The following C11orf65 variants were observed in gnomAD, a reference collection of about 807,000 sequenced individuals.
C11orf65 encodes chromosome 11 open reading frame 65, also known as protein MFI.
Under a neutral mutation model 35.3 loss-of-function variants are expected in C11orf65, and 38 were observed. That is an observed-to-expected ratio of 1.08 (90% CI 0.83 to 1.41). The LOEUF (loss-of-function observed/expected upper bound fraction) is 1.41. Among genes scored for constraint, C11orf65 ranks in the 40% most tolerant of loss-of-function variants. C11orf65 has a pLI of 0.00. For missense variants in C11orf65, 370 were observed against 367.1 expected (o/e 1.01, Z -0.06); for synonymous variants, 105 against 114.4 (o/e 0.92, Z 0.53).
chr11:108,358,004 G>A lies in C11orf65; in HGVS notation c.227-22712C>T, dbSNP rs1398090683. Among the ~76,000 whole-genome samples the A allele has an allele frequency of 3.5e-4, 51 of 146,378 alleles. No homozygotes were observed. The East Asian group carries it at 3.7e-3, about 11-fold the overall frequency. ...AGACGATCAAATTACTCTGAGCTAC[G>A]GGAGGACATTCAAACCAAAGGCAAA... On this transcript the variant is annotated intron_variant, in intron 2 of 3. Transcript: ENST00000524755.
chr11:108,433,262 T>TATATATATAGATATATATAG (rs2093016496), intron 2 of C11orf65, among the ~76,000 whole-genome samples: 1 of 140,338 alleles, frequency 7.1e-6, no homozygotes, highest in Non-Finnish European at 1.5e-5. Context: ...TATCTCTCTC[T>TATATATATAGATATATATAG]ATATATATAT....
intron 2 of C11orf65, among the ~76,000 whole-genome samples, chr11:108,458,763 G>C (rs967634585): frequency 2.0e-5 from 3 of 152,128 alleles, no homozygotes; most frequent in Non-Finnish European, 4.4e-5. Context: ...ATTTAAAAAA[G>C]TAGGGAAGGG....
Position 108,407,091 on chromosome 11 carries a change from C to CAT in C11orf65, c.228+4_228+5insAT. 6.2e-7 allele frequency: 1 copy of CAT among 1,609,366 alleles called. No homozygotes were observed. Reference sequence around the variant, plus strand: ...ACTACTAAATAAGCATTCATCCATACTTACTCCACCTAATCTGAATCGCAC... The same window carrying CAT: ...ACTACTAAATAAGCATTCATCCATACATTTACTCCACCTAATCTGAATCGCAC... On this transcript the variant is annotated splice_donor_region_variant and intron_variant, in intron 4 of 8. Coordinates refer to ENST00000393084, the MANE Select transcript of C11orf65 (RefSeq NM_152587.5).
intron 2 of C11orf65, among the ~76,000 whole-genome samples, chr11:108,460,523 G>C (rs997805202): frequency 6.6e-6 from 1 of 152,158 alleles, no homozygotes; most frequent in Non-Finnish European, 1.5e-5. Context: ...TATTTAATGA[G>C]TGGCTATATT....
At chr11:108,461,451 T>C in intron 2 of C11orf65, 28 bp downstream of exon 2, 1 of 1,520,776 alleles carries the variant, frequency 6.6e-7, no homozygotes, top group South Asian at 1.2e-5. Flanking sequence ...AAAAATTATA[T>C]TTCAATAAAA....
At chr11:108,330,038 T>C (rs577311042), downstream of C11orf65, among the ~76,000 whole-genome samples, 1 of 152,366 alleles carries the variant, frequency 6.6e-6, no homozygotes, top group South Asian at 2.1e-4. Flanking sequence ...GGAAGGTGTG[T>C]GAATTGCACA....
intron 3 of C11orf65, among the ~76,000 whole-genome samples, chr11:108,417,561 AAAC>A (rs369769455): frequency 1.9e-5 from 2 of 106,848 alleles, no homozygotes; most frequent in South Asian, 3.2e-4. Flanking sequence ...AAACAAAAAC[AAAC>A]AAACAAAAAA....
Position 108,393,331 on chromosome 11 carries a change from A to G in C11orf65, c.608T>C (p.Leu203Pro), listed in dbSNP as rs1565639294. The G allele has an allele frequency of 6.2e-7, 1 of 1,613,830 alleles. No homozygotes were observed. The highest frequency in any genetic ancestry group is 8.5e-7 in the Non-Finnish European group (1 of 1,179,876). The change falls in exon 7 of 9, where the codon CTA (leucine) becomes CCA (proline). Residue 203 changes from leucine (L) to proline (P), a missense_variant. Physicochemically the swap from Leu to Pro is moderately conservative, Grantham distance 98. Transcript: ENST00000393084. ...CTTTGTTGCAGTGTGAATTAGTCCT[A>G]GAGTTTCATGATGTGTTGACTTAGC... The part of the protein sequence containing the change: ...LEAKSTHHET[L>P]GLIHTATKGL...
intron 3 of C11orf65, among the ~76,000 whole-genome samples, chr11:108,430,956 T>C (rs2092981231): frequency 6.8e-6 from 1 of 147,532 alleles, no homozygotes; most frequent in South Asian, 2.2e-4. Context: ...AGAGGAGAGT[T>C]GAATAAGCAC....
intron 3 of C11orf65, among the ~76,000 whole-genome samples, chr11:108,410,392 C>A (rs10890833): frequency 0.026 from 3,959 of 152,306 alleles, 186 homozygotes; most frequent in African/African-American, 0.09. Context: ...AATGAACCAA[C>A]TGGCTTTTAT....
intron 3 of C11orf65, among the ~76,000 whole-genome samples, chr11:108,430,433 C>T (rs1448538354): frequency 6.6e-6 from 1 of 151,534 alleles, no homozygotes; most frequent in East Asian, 1.9e-4. Flanking sequence ...GCCACTGCGC[C>T]CAGCCTGAAC....
downstream of C11orf65, among the ~76,000 whole-genome samples, chr11:108,378,036 C>A (rs1246282492): frequency 1.3e-5 from 2 of 150,104 alleles, no homozygotes; most frequent in Non-Finnish European, 3.0e-5. Context: ...GAATCAATAT[C>A]GTGAAAATGG....
chr11:108,457,169 TA>T (rs979360584), intron 2 of C11orf65, among the ~76,000 whole-genome samples: 4 of 150,754 alleles, frequency 2.7e-5, no homozygotes, highest in Admixed American at 6.6e-5. Context: ...ATAGAGGAAT[TA>T]AAAAAAAACA....
chr11:108,425,731 C>T (rs1022418364), intron 3 of C11orf65, among the ~76,000 whole-genome samples: 1 of 152,136 alleles, frequency 6.6e-6, no homozygotes, highest in South Asian at 2.1e-4. Flanking sequence ...TGATGAACAT[C>T]AATGTGAAAA....
chr11:108,317,381 G>C lies in C11orf65; in HGVS notation c.641-8310C>G, dbSNP rs2136162810. 1 of 1,611,532 alleles carries C rather than the reference G, an allele frequency of 6.2e-7. No individual in the cohort carries two copies. The highest frequency in any genetic ancestry group is 8.5e-7 in the Non-Finnish European group (1 of 1,178,610). On this transcript the variant is annotated intron_variant, in intron 6 of 6. Transcript: ENST00000525729. ...AAATAACTCCTGTTTAGGCCTTGCA[G>C]AATTTGGGACTCTGCCATATTCTTT...
At chr11:108,362,977 CA>C (rs1313581272) in intron 2 of C11orf65, among the ~76,000 whole-genome samples, 1 of 151,642 alleles carries the variant, frequency 6.6e-6, no homozygotes, top group African/African-American at 2.4e-5. Context: ...AAACAAACAA[CA>C]AAACAAACAA....
intron 7 of C11orf65, among the ~76,000 whole-genome samples, chr11:108,387,766 G>C (rs1474739763): frequency 6.6e-6 from 1 of 152,170 alleles, no homozygotes; most frequent in Non-Finnish European, 1.5e-5. Context: ...GGGCTCAAGT[G>C]ATCCACCTAC....
intron 2 of C11orf65, among the ~76,000 whole-genome samples, chr11:108,370,787 T>C (rs1320803508): frequency 1.3e-5 from 2 of 152,188 alleles, no homozygotes; most frequent in African/African-American, 2.4e-5. Context: ...CTACACTGTT[T>C]GATTTTCTAA....
chr11:108,366,867 G>A (rs1591393530), intron 2 of C11orf65: 1 of 229,642 alleles, frequency 4.4e-6, no homozygotes, highest in East Asian at 6.2e-5. Flanking sequence ...CCTTTGGCAA[G>A]CCCTGGGTTC....
Sources: gnomAD v4.1 joint callset for allele counts (sites outside exome capture counted in the v4.1 genomes callset) on GRCh38, gnomAD v4.1.1 for gene constraint, MANE v1.5 for transcripts, NCBI Gene and HGNC (gene_info 2026-07-23, HGNC 2026-07-21) for gene names.